VLDLR: variants seen among roughly 807,000 people sequenced by gnomAD.
VLDLR encodes the protein very low density lipoprotein receptor, also known as very low-density lipoprotein receptor.
VLDLR carries 81 observed loss-of-function variants against 112.7 expected under a neutral mutation model. That is an observed-to-expected ratio of 0.72 (90% CI 0.60 to 0.86). The LOEUF (loss-of-function observed/expected upper bound fraction) is 0.86, where lower values mean the gene tolerates loss of function less well. VLDLR is among the 40% of genes least tolerant of loss of function. VLDLR has a pLI of 0.00. For synonymous variants in VLDLR, 436 were observed against 384.8 expected, an observed-to-expected ratio of 1.13 and a Z score of -1.56; for missense variants, 1,237 against 1,099.4, an observed-to-expected ratio of 1.13 and a Z score of -1.77.
At chr9:2,648,853 A>G in intron 14 of VLDLR, 43 bp downstream of exon 14, 1 of 1,613,058 alleles carries the variant, frequency 6.2e-7, no homozygotes, top group Non-Finnish European at 8.5e-7. Flanking sequence ...CTTTAAGGGA[A>G]GCAGCATGAC....
intron 17 of VLDLR, 46 bp from the exon 18 acceptor site, chr9:2,652,734 C>T: frequency 6.2e-7 from 1 of 1,609,764 alleles, no homozygotes; most frequent in Non-Finnish European, 8.5e-7. Context: ...CTTGTATGTT[C>T]CAATACTAGA....
rs1818032663 is a variant in VLDLR at position 2,645,585 on chromosome 9, A to G, written c.1324A>G (p.Ser442Gly). 1 of 1,614,260 alleles carries G rather than the reference A, an allele frequency of 6.2e-7. No individual in the cohort carries two copies. The highest frequency in any genetic ancestry group is 8.5e-7 in the Non-Finnish European group (1 of 1,180,040). ...GVCKAVGKEP[S>G]LIFTNRRDIR... is the part of the protein sequence containing the mutation. ...CTTCCATCTTGCAGGCAAAGAGCCAAGTCTGATCTTCACTAATCGAAGAGA... is the reference window on the plus strand; with the variant it reads ...CTTCCATCTTGCAGGCAAAGAGCCAGGTCTGATCTTCACTAATCGAAGAGA... Residue 442 changes from serine (S) to glycine (G), a missense_variant, in exon 10 of 19, where the codon AGT becomes GGT. Ser to Gly is a moderately conservative substitution (Grantham distance 56). Transcript: ENST00000382100.
chr9:2,657,188 C>G lies in VLDLR; in HGVS notation c.*3320C>G, dbSNP rs1818641564. On this transcript the variant is annotated 3_prime_UTR_variant, in exon 19 of 19. Coordinates refer to ENST00000382100, the MANE Select transcript of VLDLR (RefSeq NM_003383.5). ...TAAAGATTCTAGGGGTCACTTATCT[C>G]TATTACGTAATCTAACTGGAATAAT... 6.6e-6 allele frequency: 1 copy of G among 152,088 alleles called. No individual in the cohort carries two copies. The highest frequency in any genetic ancestry group is 2.1e-4 in the South Asian group (1 of 4,824). The allele number at this position is 152,088 out of a possible 1,614,324, so 9.4% of individuals were successfully genotyped here.
chr9:2,622,007 A>C lies in VLDLR; in HGVS notation c.-183A>C. ...GGGTGGGTGGGGAGGAGACTGTGCA[A>C]GTTGTAGGGGAGGGGGTGCCCTCTT... On this transcript the variant is annotated 5_prime_UTR_variant, in exon 1 of 19. Coordinates refer to ENST00000382100, the MANE Select transcript of VLDLR (RefSeq NM_003383.5). The C allele has an allele frequency of 1.5e-6, 1 of 645,410 alleles. No individual in the cohort carries two copies. The highest frequency in any genetic ancestry group is 2.7e-6 in the Non-Finnish European group (1 of 371,938). 40.0% of individuals were successfully genotyped at this position (645,410 alleles called of 1,614,324 possible).
Position 2,622,066 on chromosome 9 carries a change from C to A in VLDLR, c.-124C>A. 1 of 960,534 alleles carries A rather than the reference C, an allele frequency of 1.0e-6. No homozygotes were observed. The highest frequency in any genetic ancestry group is 1.7e-5 in the South Asian group (1 of 58,384). 59.5% of individuals were successfully genotyped at this position (960,534 alleles called of 1,614,324 possible). A position where few individuals can be genotyped will look rare whatever the true frequency, so the allele number is the denominator to read the frequency against. On this transcript the variant is annotated 5_prime_UTR_variant, in exon 1 of 19. Transcript: ENST00000382100. Reference sequence around the variant, plus strand: ...CTCCCTTCCCCCGCCAACTCCTTCCCCTCCTTCTCCCCCTTTCCCCTCCCC... The same window carrying A: ...CTCCCTTCCCCCGCCAACTCCTTCCACTCCTTCTCCCCCTTTCCCCTCCCC...
At chr9:2,652,598 C>T (rs1202590026) in intron 17 of VLDLR, among the ~76,000 whole-genome samples, 182 bp from the exon 18 acceptor site, 1 of 152,212 alleles carries the variant, frequency 6.6e-6, no homozygotes, top group Admixed American at 6.5e-5. Flanking sequence ...ACAGAGCTAC[C>T]TCTGGGCTGA....
rs370176704 is a variant in VLDLR at position 2,643,146 on chromosome 9, C to G, written c.449-14C>G. 113 of 1,607,156 alleles carry G rather than the reference C, an allele frequency of 7.0e-5. No homozygotes were observed. Among genetic ancestry groups the G allele is most frequent in the South Asian group, 2.0e-4 (18 of 91,022 alleles). On this transcript the variant is annotated splice_polypyrimidine_tract_variant and intron_variant, in intron 4 of 18. Coordinates refer to ENST00000382100, the MANE Select transcript of VLDLR (RefSeq NM_003383.5). ...CTTGATGCATTTTCAGTGGGGCATC[C>G]TCTCTCTTAATAGGCAATATAACAT... is the stretch of plus-strand genomic sequence containing the variant.
In VLDLR at chr9:2,651,919, A is replaced by T. The variant is rs751920665; in HGVS notation, c.2381A>T (p.Lys794Ile). Reference protein sequence around the residue: ...TAVSEVSVPPKGTSAAWAILP... With the variant: ...TAVSEVSVPPIGTSAAWAILP... ...GTATCAGAGGTCAGTGTTCCCCCAA[A>T]AGGGACTTCTGCCGCATGGGCCATT... Residue 794 changes from lysine to isoleucine, a missense_variant, in exon 17 of 19, where the codon AAA becomes ATA. Physicochemically the swap from Lys to Ile is moderately radical, Grantham distance 102 (BLOSUM62 -3). Coordinates refer to ENST00000382100, the MANE Select transcript of VLDLR (RefSeq NM_003383.5). 10 of 1,614,034 alleles carry T rather than the reference A, an allele frequency of 6.2e-6. No homozygotes were observed. The highest frequency in any genetic ancestry group is 2.7e-5 in the African/African-American group (2 of 75,022).
chr9:2,622,266 G>T lies in VLDLR; in HGVS notation c.77G>T (p.Gly26Val). 1 of 1,489,750 alleles carries T rather than the reference G, an allele frequency of 6.7e-7. No homozygotes were observed. The highest frequency in any genetic ancestry group is 1.5e-5 in the African/African-American group (1 of 68,854). The allele number at this position is 1,489,750 out of a possible 1,614,324, so 92.3% of individuals were successfully genotyped here. ...CWAPRESGAT[G>V]TGRKAKCEPS... ...GCGCCCCGGGAGAGCGGCGCCACCG[G>T]AACCGGTGAGTGAGGACGCGCCCCT... The change falls in exon 1 of 19, where the codon GGA becomes GTA. Residue 26 changes from glycine (G) to valine (V), a missense_variant. Gly to Val is a moderately radical substitution (Grantham distance 109). Transcript: ENST00000382100.
At chr9:2,648,173 G>T (rs374191330) in intron 12 of VLDLR, 35 bp from the exon 13 acceptor site, 20 of 1,612,568 alleles carry the variant, frequency 1.2e-5, no homozygotes, top group Non-Finnish European at 1.7e-5. Context: ...AGTAGTAGTG[G>T]CTTGTCATGT....
intron 2 of VLDLR, among the ~76,000 whole-genome samples, chr9:2,637,654 A>T (rs1173566776): frequency 6.6e-6 from 1 of 152,152 alleles, no homozygotes; most frequent in African/African-American, 2.4e-5. Flanking sequence ...ACTTAAAATC[A>T]TGGAGGGCCG....
Position 2,656,550 on chromosome 9 carries a change from T to C in VLDLR, c.*2682T>C, listed in dbSNP as rs566901903. 8.5e-5 allele frequency: 13 copies of C among 152,294 alleles called. No individual in the cohort carries two copies. In the South Asian group the frequency reaches 1.5e-3, roughly 17 times the overall value. 9.4% of individuals were successfully genotyped at this position (152,294 alleles called of 1,614,324 possible). A position where few individuals can be genotyped will look rare whatever the true frequency, so the allele number is the denominator to read the frequency against. ...GGCCTCGGCTTTATCACCCAAAAAA[T>C]AACTTGAATTCTATGTGAAATGTGT... is the stretch of plus-strand genomic sequence containing the variant. On this transcript the variant is annotated 3_prime_UTR_variant, in exon 19 of 19. Transcript: ENST00000382100.
At chr9:2,653,106 T>C (rs966412965) in intron 18 of VLDLR, among the ~76,000 whole-genome samples, 157 bp downstream of exon 18, 6 of 152,158 alleles carry the variant, frequency 3.9e-5, no homozygotes, top group Non-Finnish European at 7.4e-5. Context: ...TGTTAGAACA[T>C]AAGTCACTCA....
At chr9:2,647,981 A>ATATT (rs1818148374) in intron 12 of VLDLR, among the ~76,000 whole-genome samples, 1 of 152,204 alleles carries the variant, frequency 6.6e-6, no homozygotes, top group African/African-American at 2.4e-5. Context: ...AATGTGAGTA[A>ATATT]TATTTCTTAA....
At chr9:2,627,919 C>T (rs557078995) in intron 1 of VLDLR, among the ~76,000 whole-genome samples, 2 of 151,896 alleles carry the variant, frequency 1.3e-5, no homozygotes, top group Admixed American at 6.5e-5. Context: ...CCTCATAGGC[C>T]TAGGGAACAG....
chr9:2,622,100 C>T lies in VLDLR; in HGVS notation c.-90C>T, dbSNP rs1816812483. ...CCCCCTTTCCCCTCCCCGCCCCCAC[C>T]TTCTTCCTCCTTTCGGAAGGACTGG... is the stretch of plus-strand genomic sequence containing the variant. On this transcript the variant is annotated 5_prime_UTR_variant, in exon 1 of 19. Transcript: ENST00000382100. 10 of 1,325,768 alleles carry T rather than the reference C, an allele frequency of 7.5e-6. No homozygotes were observed. Among genetic ancestry groups the T allele is most frequent in the Non-Finnish European group, 1.0e-5 (10 of 998,630 alleles). The allele number at this position is 1,325,768 out of a possible 1,614,324, so 82.1% of individuals were successfully genotyped here. A position where few individuals can be genotyped will look rare whatever the true frequency, so the allele number is the denominator to read the frequency against.
At chr9:2,622,732 C>T (rs1216571826) in intron 1 of VLDLR, among the ~76,000 whole-genome samples, 1 of 152,084 alleles carries the variant, frequency 6.6e-6, no homozygotes, top group Non-Finnish European at 1.5e-5. Context: ...AGAAGGTGAG[C>T]GCCTCCGGGG....
intron 17 of VLDLR, 107 bp from the exon 18 acceptor site, chr9:2,652,673 G>C: frequency 6.9e-7 from 1 of 1,456,452 alleles, no homozygotes; most frequent in Non-Finnish European, 9.6e-7. Context: ...CATAAAACAT[G>C]GCATTTTTAC....
chr9:2,644,952 C>G lies in VLDLR; in HGVS notation c.1187-5C>G. 2 of 1,614,172 alleles carry G rather than the reference C, an allele frequency of 1.2e-6. No individual in the cohort carries two copies. The highest frequency in any genetic ancestry group is 1.7e-6 in the Non-Finnish European group (2 of 1,180,036). On this transcript the variant is annotated splice_region_variant and splice_polypyrimidine_tract_variant and intron_variant, in intron 8 of 18. Coordinates refer to ENST00000382100, the MANE Select transcript of VLDLR (RefSeq NM_003383.5). ...CAGCAAGACTAATTCTGATTTCCCT[C>G]CCAGATATTGATGAATGCCAAAATC...
Sources: allele counts gnomAD v4.1 joint callset (sites outside exome capture counted in the v4.1 genomes callset), GRCh38; gene constraint gnomAD v4.1.1; transcripts MANE v1.5; gene names NCBI Gene and HGNC (gene_info 2026-07-23, HGNC 2026-07-21).